The following ZNF554 variants were observed in gnomAD, a reference collection of about 807,000 sequenced individuals.
ZNF554 encodes zinc finger protein 554.
ZNF554 carries 15 observed loss-of-function variants against 21.2 expected under a neutral mutation model. The ratio of observed to expected loss-of-function variants is 0.71; its 90% CI spans 0.47 to 1.09. The LOEUF is 1.09. Ranked by LOEUF, ZNF554 falls within the 50% of genes least tolerant of loss-of-function variation. The pLI is 0.00. For synonymous variants in ZNF554, 258 were observed against 251.4 expected (o/e 1.03, Z -0.25); for missense variants, 691 against 662.7 (o/e 1.04, Z -0.47).
intron 3 of ZNF554, among the ~76,000 whole-genome samples, chr19:2,828,004 C>T (rs551174601): frequency 6.6e-6 from 1 of 152,232 alleles, no homozygotes; most frequent in Admixed American, 6.5e-5. Context: ...CGTCAGATCT[C>T]GTGAGACTTA....
chr19:2,825,094 C>A (rs1465470388), intron 2 of ZNF554, among the ~76,000 whole-genome samples: 1 of 149,116 alleles, frequency 6.7e-6, no homozygotes, highest in Non-Finnish European at 1.5e-5. Flanking sequence ...CTCACTGCAA[C>A]CTCTGCCGCC....
In ZNF554 at chr19:2,831,939, T is replaced by C. The variant is rs181425067; in HGVS notation, c.254-364T>C. 49 of 160,746 alleles carry C rather than the reference T, an allele frequency of 3.0e-4. 2 individuals carry two copies. The East Asian group carries it at 8.4e-3, about 28-fold the overall frequency. The allele number at this position is 160,746 out of a possible 1,614,324, so 10.0% of individuals were successfully genotyped here. The stretch of plus-strand genomic sequence containing the variant: ...CCAACCAGATCTGTAATTTTTTTTT[T>C]CTTTGAGACTGAGTCTTGCTCTGTT... On this transcript the variant is annotated intron_variant, in intron 3 of 4. Coordinates refer to ENST00000317243, the MANE Select transcript of ZNF554 (RefSeq NM_001102651.2).
rs1489514354 is a variant in ZNF554, at chr19:2,834,506, T to C, written c.1271T>C (p.Ile424Thr). 1 of 1,614,004 alleles carries C rather than the reference T, an allele frequency of 6.2e-7. No individual in the cohort carries two copies. The highest frequency in any genetic ancestry group is 1.7e-5 in the Admixed American group (1 of 60,006). The change falls in exon 5 of 5, where the codon ATC becomes ACC. Residue 424 changes from isoleucine (I) to threonine (T), a missense_variant. Coordinates refer to ENST00000317243, the MANE Select transcript of ZNF554 (RefSeq NM_001102651.2). ...TCCTTCTGCCAGAGCTCTTACCTGA[T>C]CTTGCACAAGAGGACACACACCGGA... is the stretch of plus-strand genomic sequence containing the variant. The part of the protein sequence containing the change: ...GKSFCQSSYL[I>T]LHKRTHTGEK...
chr19:2,822,973 C>T (rs1037319893), intron 1 of ZNF554, 67 bp from the exon 2 acceptor site: 8 of 1,538,828 alleles, frequency 5.2e-6, no homozygotes, highest in Non-Finnish European at 6.2e-6. Context: ...GTTCTCCAGG[C>T]CAAGGGCTCT....
rs1161896172 is a variant in ZNF554, at chr19:2,836,486, G to A, written c.*1634G>A. Among the ~76,000 whole-genome samples the A allele has an allele frequency of 1.3e-5, 2 of 152,208 alleles. No individual in the cohort carries two copies. Among genetic ancestry groups the A allele is most frequent in the African/African-American group, 4.8e-5 (2 of 41,432 alleles). ...CAGAGTATATGCTAAGACGGAAAGC[G>A]CTTTGGAGGTAAAGTTTAAAAAATA... On this transcript the variant is annotated 3_prime_UTR_variant, in exon 5 of 5. Transcript: ENST00000317243.
rs1458759626 is a variant in ZNF554, at chr19:2,836,589, A to C, written c.*1737A>C. ...GCTGGACAGAGACGTGAAGAAATGA[A>C]TCATTTACGCAATGATTGGGGTGTT... On this transcript the variant is annotated 3_prime_UTR_variant, in exon 5 of 5. Coordinates refer to ENST00000317243, the MANE Select transcript of ZNF554 (RefSeq NM_001102651.2). 6.6e-6 allele frequency among the ~76,000 whole-genome samples: 1 copy of C among 152,244 alleles called. No homozygotes were observed. Among genetic ancestry groups the C allele is most frequent in the Non-Finnish European group, 1.5e-5 (1 of 68,048 alleles).
chr19:2,825,263 C>T (rs2087316879), intron 2 of ZNF554, among the ~76,000 whole-genome samples: 1 of 151,912 alleles, frequency 6.6e-6, no homozygotes, highest in Non-Finnish European at 1.5e-5. Flanking sequence ...ATCCACCCAC[C>T]TTGGCCTCCC....
chr19:2,820,685 T>G (rs1176647071), intron 1 of ZNF554, among the ~76,000 whole-genome samples: 1 of 100,774 alleles, frequency 9.9e-6, no homozygotes, highest in Non-Finnish European at 1.9e-5. Flanking sequence ...GCAAGGGTCC[T>G]TTTTTTTTTT....
intron 4 of ZNF554, chr19:2,833,410 C>T: frequency 3.8e-6 from 1 of 264,080 alleles, no homozygotes; most frequent in Non-Finnish European, 7.2e-6. Context: ...AGGCGTGAGC[C>T]ACTGCACCTG....
Position 2,832,289 on chromosome 19 carries a change from CTT to C in ZNF554, c.254-13_254-12del. Reference sequence around the variant, plus strand: ...TCTTGTGCTACCTCTCAAGTATACTCTTGTCTTTTTCAGAAGCCTTGAAGAAC... The same window carrying C: ...TCTTGTGCTACCTCTCAAGTATACTCGTCTTTTTCAGAAGCCTTGAAGAAC... On this transcript the variant is annotated splice_polypyrimidine_tract_variant and intron_variant, in intron 3 of 4. Coordinates refer to ENST00000317243, the MANE Select transcript of ZNF554 (RefSeq NM_001102651.2). The C allele has an allele frequency of 6.4e-7, 1 of 1,568,896 alleles. No individual in the cohort carries two copies. The highest frequency in any genetic ancestry group is 8.6e-7 in the Non-Finnish European group (1 of 1,163,748).
chr19:2,822,030 G>C (rs1283959800), intron 1 of ZNF554, among the ~76,000 whole-genome samples: 1 of 151,892 alleles, frequency 6.6e-6, no homozygotes, highest in Non-Finnish European at 1.5e-5. Flanking sequence ...GATTTTTCCT[G>C]AGAGCTTTTG....
chr19:2,833,046 A>G (rs1011411669), intron 4 of ZNF554: 2 of 151,636 alleles, frequency 1.3e-5, no homozygotes, highest in Admixed American at 1.3e-4. Flanking sequence ...TCTTGAAGCC[A>G]TTTTGCCTAT....
intron 3 of ZNF554, among the ~76,000 whole-genome samples, 182 bp downstream of exon 3, chr19:2,827,925 G>A (rs1386156267): frequency 6.6e-6 from 1 of 152,186 alleles, no homozygotes; most frequent in Non-Finnish European, 1.5e-5. Flanking sequence ...AGGCGAATGA[G>A]GAACAAAGTC....
intron 1 of ZNF554, among the ~76,000 whole-genome samples, chr19:2,822,823 A>G (rs1288707065): frequency 2.0e-5 from 3 of 152,200 alleles, no homozygotes; most frequent in Non-Finnish European, 4.4e-5. Context: ...GAGATGAGCT[A>G]TGATTGCACC....
chr19:2,828,168 T>A (rs1035525403), intron 3 of ZNF554, among the ~76,000 whole-genome samples: 2 of 152,222 alleles, frequency 1.3e-5, no homozygotes, highest in Non-Finnish European at 2.9e-5. Context: ...CTACTATGTG[T>A]CTGGCACCAT....
In ZNF554 at chr19:2,820,684, CT is replaced by C. The variant is rs762586098; in HGVS notation, c.53+576del. On this transcript the variant is annotated intron_variant, in intron 1 of 4. Coordinates refer to ENST00000317243, the MANE Select transcript of ZNF554 (RefSeq NM_001102651.2). ...TCCTGGTGATAAGACAGCAAGGGTCCTTTTTTTTTTTTTTTTGAGACGGAGT... is the reference window on the plus strand; with the variant it reads ...TCCTGGTGATAAGACAGCAAGGGTCCTTTTTTTTTTTTTTTGAGACGGAGT... 1.6e-3 allele frequency among the ~76,000 whole-genome samples: 165 copies of C among 103,144 alleles called. 2 individuals carry two copies. The highest frequency in any genetic ancestry group is 4.9e-3 in the Middle Eastern group (1 of 204). The allele number at this position is 103,144 out of a possible 152,430, so 67.7% of individuals were successfully genotyped here.
At chr19:2,829,985 C>A (rs79960939) in intron 3 of ZNF554, among the ~76,000 whole-genome samples, 1 of 152,000 alleles carries the variant, frequency 6.6e-6, no homozygotes, top group Non-Finnish European at 1.5e-5. Flanking sequence ...AGTGCAGTGG[C>A]GTGATCTTGG....
rs566338468 is a variant in ZNF554, at chr19:2,828,734, C to T, written c.253+991C>T. On this transcript the variant is annotated intron_variant, in intron 3 of 4. Coordinates refer to ENST00000317243, the MANE Select transcript of ZNF554 (RefSeq NM_001102651.2). Reference sequence around the variant, plus strand: ...AATGGAGTCACAGTTCCACATGGCTCGGGAGGCCTCAGGACACTTACAATC... The same window carrying T: ...AATGGAGTCACAGTTCCACATGGCTTGGGAGGCCTCAGGACACTTACAATC... Among the ~76,000 whole-genome samples, 4 of 151,606 alleles carry T rather than the reference C, an allele frequency of 2.6e-5. No individual in the cohort carries two copies. The South Asian group carries it at 6.3e-4, about 24-fold the overall frequency.
Position 2,834,260 on chromosome 19 carries a change from A to C in ZNF554, c.1025A>C (p.His342Pro). The C allele has an allele frequency of 1.9e-6, 3 of 1,614,104 alleles. No individual in the cohort carries two copies. The highest frequency in any genetic ancestry group is 2.5e-6 in the Non-Finnish European group (3 of 1,180,034). ...AACCGGAGGCATTCTTTGAGCGAAC[A>C]TCAAAGAATTCACACGGGGGAGAAA... ...VFNRRHSLSE[H>P]QRIHTGEKPY... The change falls in exon 5 of 5, where the codon CAT (histidine) becomes CCT (proline). Residue 342 changes from histidine (H) to proline (P), a missense_variant. Transcript: ENST00000317243.
Sources: allele counts gnomAD v4.1 joint callset (sites outside exome capture counted in the v4.1 genomes callset), GRCh38; gene constraint gnomAD v4.1.1; transcripts MANE v1.5; gene names NCBI Gene and HGNC (gene_info 2026-07-23, HGNC 2026-07-21).